PTPRT: variants seen among roughly 807,000 people sequenced by gnomAD.
PTPRT encodes protein tyrosine phosphatase receptor type T, also known as receptor-type tyrosine-protein phosphatase T.
Under a neutral mutation model 176.8 loss-of-function variants are expected in PTPRT, and 56 were observed. The ratio of observed to expected loss-of-function variants is 0.32; its 90% CI spans 0.26 to 0.40. The LOEUF is 0.40. Among genes scored for constraint, PTPRT ranks in the 10% least tolerant of loss-of-function variants. The probability of loss-of-function intolerance (pLI) is 1.00; values close to 1 mark genes in which losing one functional copy is unlikely to be tolerated. For synonymous variants in PTPRT, 783 were observed against 739.0 expected (o/e 1.06, Z -0.96); for missense variants, 1,540 against 1,908.2 (o/e 0.81, Z 3.60).
intron 1 of PTPRT, among the ~76,000 whole-genome samples, chr20:42,936,088 A>C (rs1354710176): frequency 2.0e-5 from 3 of 152,192 alleles, no homozygotes; most frequent in Non-Finnish European, 4.4e-5. Flanking sequence ...ACATACAAAA[A>C]TCCTTGTCTT....
At chr20:42,354,785 G>A (rs1464276035) in intron 9 of PTPRT, among the ~76,000 whole-genome samples, 4 of 152,202 alleles carry the variant, frequency 2.6e-5, no homozygotes, top group Non-Finnish European at 4.4e-5. Flanking sequence ...ACTGGCAATG[G>A]CACCAAGTGT....
At chr20:42,614,320 C>T (rs2074026864) in intron 7 of PTPRT, among the ~76,000 whole-genome samples, 1 of 152,166 alleles carries the variant, frequency 6.6e-6, no homozygotes, top group Non-Finnish European at 1.5e-5. Context: ...AATTTAACTG[C>T]ATGCACAATG....
chr20:43,108,492 C>T (rs1374953618), intron 1 of PTPRT, among the ~76,000 whole-genome samples: 1 of 152,024 alleles, frequency 6.6e-6, no homozygotes, highest in African/African-American at 2.4e-5. Flanking sequence ...GATAATAATA[C>T]ATTGTTAAGT....
At chr20:43,120,522 C>T (rs2146358395) in intron 1 of PTPRT, among the ~76,000 whole-genome samples, 1 of 152,342 alleles carries the variant, frequency 6.6e-6, no homozygotes, top group East Asian at 1.9e-4. Context: ...CCGCCCGCCT[C>T]GGTCTCCCAA....
At chr20:42,284,403 T>C (rs2057193410) in intron 12 of PTPRT, among the ~76,000 whole-genome samples, 1 of 152,026 alleles carries the variant, frequency 6.6e-6, no homozygotes, top group Non-Finnish European at 1.5e-5. Flanking sequence ...TTCCATCTTC[T>C]TCAACTGATC....
chr20:42,520,566 A>C (rs1472128674), intron 7 of PTPRT, among the ~76,000 whole-genome samples: 1 of 151,888 alleles, frequency 6.6e-6, no homozygotes, highest in East Asian at 1.9e-4. Context: ...ACTACTCTCC[A>C]ATTTTCCCAG....
rs2145551408 is a variant in PTPRT at position 42,791,466 on chromosome 20, C to T, written c.215G>A (p.Gly72Glu). The change falls in exon 3 of 31, where the codon GGA (glycine) becomes GAA (glutamate). Residue 72 changes from glycine to glutamate, a missense_variant and splice_region_variant. Gly to Glu is a moderately conservative substitution (Grantham distance 98). Around this residue, in one of 11 missense-constraint regions of PTPRT, gnomAD observed 116 missense variants for 118.5 expected, o/e 0.98. Coordinates refer to ENST00000373187, the MANE Select transcript of PTPRT (RefSeq NM_007050.6). Reference protein sequence around the residue: ...KPMLDQAVPTGSFMMVNSSGR... With the variant: ...KPMLDQAVPTESFMMVNSSGR... ...AGAGCTGTTCACCATCATGAAAGAT[C>T]CTGGAGACCCACAAAGCAGGTGGGA... The T allele has an allele frequency of 1.9e-6, 3 of 1,607,954 alleles. No individual in the cohort carries two copies. Among genetic ancestry groups the T allele is most frequent in the Non-Finnish European group, 2.5e-6 (3 of 1,176,786 alleles).
chr20:42,642,740 C>T (rs369781143), intron 7 of PTPRT, among the ~76,000 whole-genome samples: 2 of 152,090 alleles, frequency 1.3e-5, no homozygotes, highest in South Asian at 2.1e-4. Context: ...TGAGTATTGC[C>T]TCAAGGATTA....
chr20:42,738,915 T>C (rs1358975013), intron 6 of PTPRT, among the ~76,000 whole-genome samples: 2 of 151,996 alleles, frequency 1.3e-5, no homozygotes, highest in East Asian at 3.9e-4. Context: ...CTCCAAAGAA[T>C]ATAAAAATTA....
intron 1 of PTPRT, among the ~76,000 whole-genome samples, chr20:43,028,419 A>T (rs1360212403): frequency 6.6e-6 from 1 of 152,150 alleles, no homozygotes; most frequent in East Asian, 1.9e-4. Flanking sequence ...GTCACAGGTA[A>T]AATACTCTCT....
chr20:43,073,725 T>A (rs908701451), intron 1 of PTPRT, among the ~76,000 whole-genome samples: 50 of 152,024 alleles, frequency 3.3e-4, no homozygotes, highest in African/African-American at 1.2e-3. Context: ...CCCTCTAGGT[T>A]ACAATTGTTT....
intron 9 of PTPRT, among the ~76,000 whole-genome samples, chr20:42,445,833 G>A (rs959028357): frequency 1.3e-5 from 2 of 152,174 alleles, no homozygotes; most frequent in Non-Finnish European, 2.9e-5. Context: ...AAGTGAGAAG[G>A]ACAACCTGCT....
At chr20:42,403,363 T>C (rs1312988397) in intron 9 of PTPRT, among the ~76,000 whole-genome samples, 1 of 152,192 alleles carries the variant, frequency 6.6e-6, no homozygotes, top group Non-Finnish European at 1.5e-5. Flanking sequence ...ATGACTAGCT[T>C]TGTGAGCACA....
chr20:42,566,654 G>A (rs1176464897), intron 7 of PTPRT, among the ~76,000 whole-genome samples: 3 of 152,214 alleles, frequency 2.0e-5, no homozygotes, highest in Admixed American at 6.5e-5. Flanking sequence ...CACTGAGGAT[G>A]TAAGTCAGGG....
At chr20:42,952,198 C>T (rs969383729) in intron 1 of PTPRT, among the ~76,000 whole-genome samples, 3 of 152,236 alleles carry the variant, frequency 2.0e-5, no homozygotes, top group African/African-American at 7.2e-5. Context: ...CACATGAGTC[C>T]ACACGTCATG....
intron 1 of PTPRT, among the ~76,000 whole-genome samples, chr20:43,127,159 C>T (rs1474682151): frequency 6.6e-6 from 1 of 152,172 alleles, no homozygotes; most frequent in East Asian, 1.9e-4. Context: ...CGCGGTGGCT[C>T]ACACCTGTAA....
At chr20:43,016,552 CTTTTTT>C (rs11482189) in intron 1 of PTPRT, among the ~76,000 whole-genome samples, 31 of 76,228 alleles carry the variant, frequency 4.1e-4, no homozygotes, top group African/African-American at 2.1e-3. Flanking sequence ...TCTAAGGCCA[CTTTTTT>C]TTTTTTTTTT....
At chr20:42,624,447 G>A (rs2074256680) in intron 7 of PTPRT, among the ~76,000 whole-genome samples, 1 of 152,186 alleles carries the variant, frequency 6.6e-6, no homozygotes. Flanking sequence ...ATTGAAAGTA[G>A]CCCAATGCAT....
At chr20:42,386,211 A>G (rs2058742711) in intron 9 of PTPRT, among the ~76,000 whole-genome samples, 1 of 152,158 alleles carries the variant, frequency 6.6e-6, no homozygotes, top group Non-Finnish European at 1.5e-5. Flanking sequence ...GGGGCTGGAG[A>G]GGTGAGCCAA....
Sources: gnomAD v4.1 joint callset for allele counts (sites outside exome capture counted in the v4.1 genomes callset) on GRCh38, gnomAD v4.1.1 for gene constraint, gnomAD v4.1.1 regional missense constraint, MANE v1.5 for transcripts, NCBI Gene and HGNC (gene_info 2026-07-23, HGNC 2026-07-21) for gene names.